The following UROS variants were observed in gnomAD, a reference collection of about 807,000 sequenced individuals.
The protein encoded by UROS is uroporphyrinogen III synthase.
Under a neutral mutation model 33.0 loss-of-function variants are expected in UROS, and 18 were observed. The ratio of observed to expected loss-of-function variants is 0.55; its 90% CI spans 0.38 to 0.81. UROS has a LOEUF of 0.81. Among genes scored for constraint, UROS ranks in the 30% least tolerant of loss-of-function variants. UROS has a pLI of 0.00. For missense variants in UROS, 293 were observed against 314.9 expected (o/e 0.93, Z 0.53); for synonymous variants, 114 against 121.1 (o/e 0.94, Z 0.38).
intron 1 of UROS, among the ~76,000 whole-genome samples, chr10:125,821,918 G>A (rs77170765): frequency 0.02 from 3,095 of 152,228 alleles, 113 homozygotes; most frequent in African/African-American, 0.07. Context: ...GAGACTCCCA[G>A]GAAAGACCGA....
chr10:125,803,676 G>A (rs1489241654), intron 6 of UROS, among the ~76,000 whole-genome samples: 4 of 152,236 alleles, frequency 2.6e-5, no homozygotes, highest in Non-Finnish European at 5.9e-5. Flanking sequence ...GACCAATCCA[G>A]CCTGAGTCTG....
At position 125,812,211 on chromosome 10, in the gene UROS, T is replaced by C. The variant is rs1852879437; in HGVS notation, c.319+3A>G. On this transcript the variant is annotated splice_donor_region_variant and intron_variant, in intron 5 of 9. Coordinates refer to ENST00000368797, the MANE Select transcript of UROS (RefSeq NM_000375.3). ...TTGTTTTATTTTTACCTTGACTCCTTACCTAGAGAAGCAGTAGCATTTCCA... is the reference window on the plus strand; with the variant it reads ...TTGTTTTATTTTTACCTTGACTCCTCACCTAGAGAAGCAGTAGCATTTCCA... 2.5e-6 allele frequency: 4 copies of C among 1,613,794 alleles called. No individual in the cohort carries two copies. Among genetic ancestry groups the C allele is most frequent in the East Asian group, 2.2e-5 (1 of 44,854 alleles).
At chr10:125,816,336 G>A in intron 2 of UROS, 76 bp from the exon 3 acceptor site, 17 of 1,596,912 alleles carry the variant, frequency 1.1e-5, no homozygotes, top group Middle Eastern at 3.3e-4. Context: ...TTTATTCTGC[G>A]TCAGTTCCTC....
At chr10:125,813,560 C>A (rs1195409746) in intron 4 of UROS, among the ~76,000 whole-genome samples, 1 of 152,202 alleles carries the variant, frequency 6.6e-6, no homozygotes, top group East Asian at 1.9e-4. Flanking sequence ...CTCATACAAC[C>A]TCTGCCTCCT....
chr10:125,794,446 G>T, intron 9 of UROS: 1 of 799,208 alleles, frequency 1.3e-6, no homozygotes, highest in Non-Finnish European at 1.6e-6. Flanking sequence ...ACAGTCCCTA[G>T]TAAGTGAGAA....
chr10:125,822,097 C>G (rs1169430054), intron 1 of UROS, among the ~76,000 whole-genome samples: 1 of 152,132 alleles, frequency 6.6e-6, no homozygotes, highest in Non-Finnish European at 1.5e-5. Context: ...CAACCCACCC[C>G]CCTCATTTTA....
At chr10:125,799,281 A>T in intron 6 of UROS, among the ~76,000 whole-genome samples, 1 of 152,244 alleles carries the variant, frequency 6.6e-6, no homozygotes, top group East Asian at 1.9e-4. Context: ...AAATTCGTTA[A>T]TAGATGCCTG....
chr10:125,803,140 G>A, intron 6 of UROS: 1 of 1,427,394 alleles, frequency 7.0e-7, no homozygotes, highest in Non-Finnish European at 9.7e-7. Flanking sequence ...TTGAGCCCCA[G>A]CCTACCACTA....
At chr10:125,811,999 T>G (rs1852858317) in intron 5 of UROS, among the ~76,000 whole-genome samples, 1 of 152,266 alleles carries the variant, frequency 6.6e-6, no homozygotes, top group African/African-American at 2.4e-5. Flanking sequence ...ACTGACCAAG[T>G]GGTTCTCAAA....
Position 125,798,062 on chromosome 10 carries a change from C to A in UROS, c.475+3G>T. The A allele has an allele frequency of 6.2e-7, 1 of 1,613,906 alleles. No homozygotes were observed. The highest frequency in any genetic ancestry group is 1.1e-5 in the South Asian group (1 of 91,076). On this transcript the variant is annotated splice_donor_region_variant and intron_variant, in intron 7 of 9. Transcript: ENST00000368797. ...AGGGATGCAGTCAAAGCATTCTACT[C>A]GCCTTTGTCCTTGAGCGCTTTTGGC...
downstream of UROS, among the ~76,000 whole-genome samples, chr10:125,786,792 G>A (rs1464785525): frequency 6.6e-6 from 1 of 152,148 alleles, no homozygotes; most frequent in Non-Finnish European, 1.5e-5. Flanking sequence ...TGACATCCCT[G>A]GGCTTCACTT....
intron 6 of UROS, among the ~76,000 whole-genome samples, chr10:125,800,154 C>T (rs887803315): frequency 6.6e-6 from 1 of 152,114 alleles, no homozygotes; most frequent in Non-Finnish European, 1.5e-5. Flanking sequence ...AATGATGATA[C>T]AAGCAGGAGG....
At chr10:125,797,989 C>T in intron 7 of UROS, 76 bp downstream of exon 7, 1 of 1,551,258 alleles carries the variant, frequency 6.4e-7, no homozygotes, top group Non-Finnish European at 8.9e-7. Flanking sequence ...TCTGCAGGGC[C>T]ACCCACTTCT....
At chr10:125,813,396 T>C (rs149832076) in intron 4 of UROS, among the ~76,000 whole-genome samples, 8 of 152,358 alleles carry the variant, frequency 5.3e-5, no homozygotes, top group Admixed American at 3.3e-4. Context: ...GAAAGAGTTA[T>C]AGTGACCTTT....
Position 125,816,247 on chromosome 10 carries a change from T to C in UROS, c.77A>G (p.Tyr26Cys). The C allele has an allele frequency of 6.2e-7, 1 of 1,614,158 alleles. No individual in the cohort carries two copies. The highest frequency in any genetic ancestry group is 8.5e-7 in the Non-Finnish European group (1 of 1,179,986). The change falls in exon 3 of 10, where the codon TAT becomes TGT. Residue 26 changes from tyrosine (Y) to cysteine (C), a missense_variant. By Grantham distance (194) the Tyr-to-Cys change is radical (BLOSUM62 -2). Coordinates refer to ENST00000368797, the MANE Select transcript of UROS (RefSeq NM_000375.3). ...QDPYIRELGLYGLEATLIPVL... is the reference protein window; with the variant it reads ...QDPYIRELGLCGLEATLIPVL... ...AGGGATCAAAGTGGCTTCAAGTCCATATAATCCTAATTCCTGAAATGAAAG... is the reference window on the plus strand; with the variant it reads ...AGGGATCAAAGTGGCTTCAAGTCCACATAATCCTAATTCCTGAAATGAAAG...
At position 125,791,132 on chromosome 10, in the gene UROS, G is replaced by A. The variant is rs563054407; in HGVS notation, c.661-2127C>T. On this transcript the variant is annotated intron_variant, in intron 9 of 9. Transcript: ENST00000368797. Reference sequence around the variant, plus strand: ...ATTGTATTCAGAATAAGGAATTCTGGCAATTCAACAATAAAACGACAAATA... The same window carrying A: ...ATTGTATTCAGAATAAGGAATTCTGACAATTCAACAATAAAACGACAAATA... Among the ~76,000 whole-genome samples, 43 of 151,758 alleles carry A rather than the reference G, an allele frequency of 2.8e-4. No homozygotes were observed. The South Asian group carries it at 3.3e-3, about 12-fold the overall frequency.
chr10:125,788,442 A>G (rs1850695819), downstream of UROS: 2 of 662,038 alleles, frequency 3.0e-6, no homozygotes, highest in Non-Finnish European at 3.8e-6. Context: ...GGTCCTTTTT[A>G]TAGAATGAAT....
intron 5 of UROS, among the ~76,000 whole-genome samples, chr10:125,810,246 C>A (rs116293667): frequency 2.0e-5 from 3 of 152,142 alleles, no homozygotes; most frequent in African/African-American, 7.2e-5. Context: ...GAAATGGATG[C>A]CACTTCCAAG....
intron 5 of UROS, among the ~76,000 whole-genome samples, chr10:125,808,400 G>A (rs1404454534): frequency 6.6e-6 from 1 of 152,192 alleles, no homozygotes; most frequent in Non-Finnish European, 1.5e-5. Context: ...AAATAAAGCT[G>A]TAACTCAGTT....
Sources: gnomAD v4.1 joint callset for allele counts (sites outside exome capture counted in the v4.1 genomes callset) on GRCh38, gnomAD v4.1.1 for gene constraint, MANE v1.5 for transcripts, NCBI Gene and HGNC (gene_info 2026-07-23, HGNC 2026-07-21) for gene names.